Variants in SFMBT2 observed in about 807,000 individuals in gnomAD.
SFMBT2 encodes the protein Scm like with four mbt domains 2.
Under a neutral mutation model 110.1 loss-of-function variants are expected in SFMBT2, and 38 were observed. The ratio of observed to expected loss-of-function variants is 0.35; its 90% CI spans 0.27 to 0.45. The LOEUF is 0.45. Ranked by LOEUF, SFMBT2 falls within the 20% of genes least tolerant of loss-of-function variation. The probability of loss-of-function intolerance (pLI) is 1.00; values close to 1 mark genes in which losing one functional copy is unlikely to be tolerated. For missense variants in SFMBT2, 1,011 were observed against 1,094.9 expected, an observed-to-expected ratio of 0.92 and a Z score of 1.08; for synonymous variants, 425 against 425.4, an observed-to-expected ratio of 1.00 and a Z score of 0.01.
intron 9 of SFMBT2, among the ~76,000 whole-genome samples, chr10:7,228,727 CTTT>C (rs1312857667): frequency 0.038 from 3,427 of 89,246 alleles, 28 homozygotes; most frequent in African/African-American, 0.054. Context: ...TTCTTTCTTT[CTTT>C]CTTTCCTTTC....
At chr10:7,173,842 A>C (rs1266190456) in intron 17 of SFMBT2, among the ~76,000 whole-genome samples, 1 of 152,226 alleles carries the variant, frequency 6.6e-6, no homozygotes, top group Non-Finnish European at 1.5e-5. Flanking sequence ...GGTTTGCAGC[A>C]GCCCCGTTGC....
rs1306395479 is a variant in SFMBT2, at chr10:7,293,347, C to A, written c.437-7393G>T. On this transcript the variant is annotated intron_variant, in intron 4 of 20. Coordinates refer to ENST00000397167, the MANE Select transcript of SFMBT2 (RefSeq NM_001387889.1). The surrounding 1 kb of genome is among the most constrained non-coding windows in gnomAD (Gnocchi z 4.6). ...CTCCTGACTTCAGGTGATCTGCCTGCCTCGGCCTCCCAAAGTGCTGGGATT... is the reference window on the plus strand; with the variant it reads ...CTCCTGACTTCAGGTGATCTGCCTGACTCGGCCTCCCAAAGTGCTGGGATT... 6.6e-6 allele frequency among the ~76,000 whole-genome samples: 1 copy of A among 152,152 alleles called. No individual in the cohort carries two copies. The highest frequency in any genetic ancestry group is 6.5e-5 in the Admixed American group (1 of 15,274).
intron 6 of SFMBT2, among the ~76,000 whole-genome samples, chr10:7,281,662 C>T (rs1158846988): frequency 6.6e-6 from 1 of 152,146 alleles, no homozygotes; most frequent in Non-Finnish European, 1.5e-5. Context: ...GGATGCTGTT[C>T]TGCTGAATGA....
At chr10:7,292,436 T>C (rs1343200565) in intron 4 of SFMBT2, 4 of 156,018 alleles carry the variant, frequency 2.6e-5, no homozygotes, top group African/African-American at 7.2e-5. Context: ...AAAAGATAGA[T>C]CATAAAATGA....
chr10:7,390,222 G>C (rs1237650678), intron 1 of SFMBT2, among the ~76,000 whole-genome samples: 1 of 152,168 alleles, frequency 6.6e-6, no homozygotes, highest in African/African-American at 2.4e-5. Context: ...TGGGTAGAAG[G>C]TGGGCAGCCC....
chr10:7,260,543 G>T (rs1389537829), intron 7 of SFMBT2, among the ~76,000 whole-genome samples: 4 of 152,146 alleles, frequency 2.6e-5, no homozygotes, highest in Non-Finnish European at 5.9e-5. Flanking sequence ...TCAAAGCAAG[G>T]AAACCTATTC....
chr10:7,173,827 C>T (rs534473301), intron 17 of SFMBT2, among the ~76,000 whole-genome samples: 2 of 152,318 alleles, frequency 1.3e-5, no homozygotes, highest in African/African-American at 4.8e-5. Flanking sequence ...AAATGCACCA[C>T]CCCTGGTTTG....
intron 2 of SFMBT2, among the ~76,000 whole-genome samples, chr10:7,373,489 C>T (rs1040978277): frequency 6.6e-6 from 1 of 152,306 alleles, no homozygotes; most frequent in East Asian, 1.9e-4. Flanking sequence ...TGTATACTCA[C>T]AGGGGCAATC....
In SFMBT2 at chr10:7,354,022, G is replaced by A. The variant is rs573712580; in HGVS notation, c.436+13627C>T. Among the ~76,000 whole-genome samples the A allele has an allele frequency of 2.6e-4, 40 of 151,642 alleles. 1 individual carries two copies. In the South Asian group the frequency reaches 7.9e-3, roughly 30 times the overall value. ...GAATCGCTCGAACCCGGGAGTTGGA[G>A]GTTGCAGTGAGCCGAGATCACGCTA... On this transcript the variant is annotated intron_variant, in intron 4 of 20. Coordinates refer to ENST00000397167, the MANE Select transcript of SFMBT2 (RefSeq NM_001387889.1).
At chr10:7,288,109 A>G (rs1286467120) in intron 4 of SFMBT2, among the ~76,000 whole-genome samples, 3 of 152,170 alleles carry the variant, frequency 2.0e-5, no homozygotes, top group Non-Finnish European at 4.4e-5. Context: ...CTAGATTGAA[A>G]CTTCCAATGA....
chr10:7,378,662 G>C (rs868808489), intron 2 of SFMBT2, among the ~76,000 whole-genome samples: 1 of 149,600 alleles, frequency 6.7e-6, no homozygotes, highest in Admixed American at 6.7e-5. Context: ...GTGTGGGTGT[G>C]TGTGGGTGTA....
At chr10:7,319,358 A>AAT (rs1157628374) in intron 4 of SFMBT2, among the ~76,000 whole-genome samples, 7 of 152,172 alleles carry the variant, frequency 4.6e-5, no homozygotes, top group African/African-American at 1.7e-4. Flanking sequence ...CAAAGTTTAA[A>AAT]ACTGAATACT....
chr10:7,311,335 T>C (rs968875555), intron 4 of SFMBT2, among the ~76,000 whole-genome samples: 2 of 152,222 alleles, frequency 1.3e-5, no homozygotes, highest in Non-Finnish European at 2.9e-5. Context: ...CATCTTTCAT[T>C]GTGACATTTC....
At chr10:7,226,436 T>C (rs1207688984) in intron 10 of SFMBT2, among the ~76,000 whole-genome samples, 2 of 152,252 alleles carry the variant, frequency 1.3e-5, no homozygotes, top group African/African-American at 4.8e-5. Flanking sequence ...GTTTTTCATA[T>C]TGTTATGTCT....
intron 4 of SFMBT2, among the ~76,000 whole-genome samples, chr10:7,329,204 C>T (rs140784658): frequency 4.6e-5 from 7 of 152,250 alleles, no homozygotes; most frequent in Admixed American, 6.5e-5. Context: ...AAAATGACAG[C>T]GGACAGATGG....
chr10:7,180,957 A>G (rs1588772597), intron 16 of SFMBT2, among the ~76,000 whole-genome samples: 2 of 152,214 alleles, frequency 1.3e-5, no homozygotes, highest in East Asian at 3.9e-4. Flanking sequence ...ACAAGCGCAC[A>G]GAAAAGGGTG....
intron 15 of SFMBT2, among the ~76,000 whole-genome samples, chr10:7,191,005 C>T (rs955224225): frequency 1.3e-5 from 2 of 152,004 alleles, no homozygotes; most frequent in African/African-American, 4.8e-5. Context: ...GGCTCCCATT[C>T]TCTCGTCTGC....
chr10:7,177,880 G>A (rs950012754), intron 16 of SFMBT2, among the ~76,000 whole-genome samples: 2 of 151,700 alleles, frequency 1.3e-5, no homozygotes, highest in Admixed American at 6.6e-5. Flanking sequence ...AGAAGAAGAA[G>A]AAGAAGAAGT....
At chr10:7,178,845 A>C (rs894744206) in intron 16 of SFMBT2, among the ~76,000 whole-genome samples, 2 of 152,216 alleles carry the variant, frequency 1.3e-5, no homozygotes, top group African/African-American at 4.8e-5. Flanking sequence ...TGTAGGTTTC[A>C]ATCACCTTTT....
Sources: allele counts gnomAD v4.1 joint callset (sites outside exome capture counted in the v4.1 genomes callset), GRCh38; gene constraint gnomAD v4.1.1; non-coding constraint Gnocchi (gnomAD v3.1); transcripts MANE v1.5; gene names NCBI Gene and HGNC (gene_info 2026-07-23, HGNC 2026-07-21).